The following DGKI variants were observed in gnomAD, a reference collection of about 807,000 sequenced individuals.
DGKI encodes the protein diacylglycerol kinase iota, also known as DAG kinase iota.
Under a neutral mutation model 147.5 loss-of-function variants are expected in DGKI, and 55 were observed. The observed-to-expected ratio is 0.37, with a 90% CI of 0.30 to 0.47. The LOEUF (loss-of-function observed/expected upper bound fraction) is 0.47, where lower values mean the gene tolerates loss of function less well. Among genes scored for constraint, DGKI ranks in the 20% least tolerant of loss-of-function variants. The pLI, the probability that DGKI is intolerant of heterozygous loss-of-function variation, is 1.00. For missense variants in DGKI, 1,007 were observed against 1,323.8 expected (o/e 0.76, Z 3.71); for synonymous variants, 469 against 477.1 (o/e 0.98, Z 0.22).
At chr7:137,842,877 C>T (rs962160418) in intron 1 of DGKI, among the ~76,000 whole-genome samples, 5 of 152,024 alleles carry the variant, frequency 3.3e-5, no homozygotes, top group South Asian at 4.1e-4. Context: ...AATGACCTGC[C>T]GTGTATTACA....
intron 21 of DGKI, among the ~76,000 whole-genome samples, chr7:137,509,965 A>T (rs1816522689): frequency 6.6e-6 from 1 of 152,200 alleles, no homozygotes; most frequent in South Asian, 2.1e-4. Context: ...AAAAAAGGAG[A>T]TGTTAAAGCC....
intron 1 of DGKI, among the ~76,000 whole-genome samples, chr7:137,818,487 C>T (rs973094932): frequency 3.3e-5 from 5 of 152,214 alleles, no homozygotes; most frequent in African/African-American, 7.2e-5. Flanking sequence ...GAGTGCATGG[C>T]GCAATCTCAG....
intron 1 of DGKI, among the ~76,000 whole-genome samples, chr7:137,761,292 C>T (rs562499018): frequency 3.3e-5 from 5 of 152,326 alleles, no homozygotes; most frequent in South Asian, 4.1e-4. Context: ...CACAGGACTT[C>T]GGCATCCTTT....
chr7:137,812,151 T>C (rs1430236735), intron 1 of DGKI, among the ~76,000 whole-genome samples: 3 of 152,182 alleles, frequency 2.0e-5, no homozygotes, highest in South Asian at 4.1e-4. Flanking sequence ...GGAGAACCAG[T>C]CTAGTGTAAA....
intron 27 of DGKI, among the ~76,000 whole-genome samples, chr7:137,459,348 T>C (rs1342465033): frequency 6.6e-6 from 1 of 152,110 alleles, no homozygotes; most frequent in Non-Finnish European, 1.5e-5. Flanking sequence ...CTGGGTGCCT[T>C]GGAGGAAGAA....
chr7:137,775,670 G>A lies in DGKI; in HGVS notation c.401+70792C>T, dbSNP rs1332129022. On this transcript the variant is annotated intron_variant, in intron 1 of 32. Transcript: ENST00000614521. ...AGTCTATCTTACAAAAGTATGCACC[G>A]AAGCAGACAAAGATGTAAGAGAATG... Among the ~76,000 whole-genome samples, 5 of 152,264 alleles carry A rather than the reference G, an allele frequency of 3.3e-5. 1 individual carries two copies. In the Middle Eastern group the frequency reaches 0.01, roughly 311 times the overall value.
rs3800667 is a variant in DGKI, at chr7:137,802,745, C to T, written c.401+43717G>A. On this transcript the variant is annotated intron_variant, in intron 1 of 32. Transcript: ENST00000614521. ...TTCCTCTCCTACCGGCCTCTCTCCT[C>T]GAACTTCTTCCCTTGCTGGGAAGCT... is the stretch of plus-strand genomic sequence containing the variant. Among the ~76,000 whole-genome samples, 17 of 152,336 alleles carry T rather than the reference C, an allele frequency of 1.1e-4. No individual in the cohort carries two copies. The East Asian group carries it at 2.7e-3, about 24-fold the overall frequency.
At chr7:137,658,047 G>T (rs1822287006) in intron 3 of DGKI, among the ~76,000 whole-genome samples, 1 of 152,162 alleles carries the variant, frequency 6.6e-6, no homozygotes, top group Non-Finnish European at 1.5e-5. Context: ...CCTGAGGGAA[G>T]AACATGGTGT....
chr7:137,421,806 G>T (rs1563008371), intron 28 of DGKI, among the ~76,000 whole-genome samples: 1 of 152,196 alleles, frequency 6.6e-6, no homozygotes, highest in Non-Finnish European at 1.5e-5. Context: ...AATACATGAA[G>T]TGCTTAATAA....
At chr7:137,480,695 T>C (rs1367161049) in intron 23 of DGKI, among the ~76,000 whole-genome samples, 1 of 152,158 alleles carries the variant, frequency 6.6e-6, no homozygotes, top group Admixed American at 6.6e-5. Flanking sequence ...ATTCCAACCA[T>C]TCTGGTACTA....
At chr7:137,410,234 T>C (rs930047431) in intron 29 of DGKI, among the ~76,000 whole-genome samples, 10 of 152,090 alleles carry the variant, frequency 6.6e-5, no homozygotes, top group African/African-American at 2.4e-4. Context: ...TGAAACCCCG[T>C]CTCAAGTAAA....
intron 25 of DGKI, 84 bp from the exon 26 acceptor site, chr7:137,466,119 T>C (rs920986083): frequency 3.9e-5 from 59 of 1,497,754 alleles, no homozygotes; most frequent in Non-Finnish European, 5.0e-5. Context: ...TTCTGCAACG[T>C]GTCAAAGGAT....
chr7:137,767,429 A>G (rs1449885659), intron 1 of DGKI, among the ~76,000 whole-genome samples: 2 of 150,424 alleles, frequency 1.3e-5, no homozygotes, highest in African/African-American at 2.5e-5. Context: ...AATTCAGGAC[A>G]TACAACTTCC....
chr7:137,482,875 T>G (rs917785707), intron 23 of DGKI, among the ~76,000 whole-genome samples: 54 of 152,148 alleles, frequency 3.5e-4, no homozygotes, highest in African/African-American at 1.3e-3. Context: ...TGCGCCTTCC[T>G]TGTCCTAAGG....
Position 137,794,221 on chromosome 7 carries a change from C to T in DGKI, c.401+52241G>A, listed in dbSNP as rs561874901. Among the ~76,000 whole-genome samples the T allele has an allele frequency of 3.3e-5, 5 of 152,304 alleles. No homozygotes were observed. In the East Asian group the frequency reaches 9.7e-4, roughly 29 times the overall value. On this transcript the variant is annotated intron_variant, in intron 1 of 32. Coordinates refer to ENST00000614521, the MANE Select transcript of DGKI (RefSeq NM_001321708.2). ...GCATGACACGCATTCACTTTCTCCCCATCCTTTCCTCAAAGCCTAACTCAA... is the reference window on the plus strand; with the variant it reads ...GCATGACACGCATTCACTTTCTCCCTATCCTTTCCTCAAAGCCTAACTCAA...
intron 19 of DGKI, among the ~76,000 whole-genome samples, chr7:137,554,325 G>A (rs1818148344): frequency 6.6e-6 from 1 of 152,156 alleles, no homozygotes; most frequent in Non-Finnish European, 1.5e-5. Context: ...TAGTCTCTAA[G>A]AGCCCTAATA....
At chr7:137,605,789 A>T (rs1447399765) in intron 10 of DGKI, among the ~76,000 whole-genome samples, 3 of 152,200 alleles carry the variant, frequency 2.0e-5, no homozygotes, top group African/African-American at 7.2e-5. Flanking sequence ...GAGTAGAATG[A>T]TAGTTACCAA....
intron 21 of DGKI, among the ~76,000 whole-genome samples, chr7:137,504,063 C>T (rs1018232888): frequency 2.0e-5 from 3 of 152,132 alleles, no homozygotes; most frequent in Non-Finnish European, 4.4e-5. Flanking sequence ...TGCTTGATGA[C>T]ACAAGCCAAG....
At chr7:137,761,365 C>T (rs1202129247) in intron 1 of DGKI, among the ~76,000 whole-genome samples, 1 of 152,182 alleles carries the variant, frequency 6.6e-6, no homozygotes, top group East Asian at 1.9e-4. Context: ...AAGTTATTTA[C>T]CCTTTCTGCT....
Sources: allele counts gnomAD v4.1 joint callset (sites outside exome capture counted in the v4.1 genomes callset), GRCh38; gene constraint gnomAD v4.1.1; transcripts MANE v1.5; gene names NCBI Gene and HGNC (gene_info 2026-07-23, HGNC 2026-07-21).